The following BTBD16 variants were observed in gnomAD, a reference collection of about 807,000 sequenced individuals.
BTBD16 encodes BTB domain containing 16.
A neutral mutation model predicts 67.4 loss-of-function variants in BTBD16; 66 were observed. The ratio of observed to expected loss-of-function variants is 0.98; its 90% CI spans 0.80 to 1.20. The LOEUF (loss-of-function observed/expected upper bound fraction) is 1.20, where lower values mean the gene tolerates loss of function less well. Among genes scored for constraint, BTBD16 ranks in the 50% most tolerant of loss-of-function variants. BTBD16 has a pLI of 0.00. For synonymous variants in BTBD16, 242 were observed against 236.4 expected (o/e 1.02, Z -0.22); for missense variants, 634 against 616.0 (o/e 1.03, Z -0.31).
intron 7 of BTBD16, among the ~76,000 whole-genome samples, chr10:122,296,269 TG>T (rs2096382954): frequency 1.3e-5 from 2 of 152,270 alleles, no homozygotes; most frequent in African/African-American, 2.4e-5. Context: ...AATCTTATAA[TG>T]TTTTTTTCTT....
At chr10:122,287,224 A>G (rs2096365604) in intron 5 of BTBD16, among the ~76,000 whole-genome samples, 1 of 152,190 alleles carries the variant, frequency 6.6e-6, no homozygotes, top group Admixed American at 6.5e-5. Context: ...CCTTTGTCCC[A>G]GTGTCTTCAA....
intron 3 of BTBD16, among the ~76,000 whole-genome samples, chr10:122,277,281 C>T (rs1483884839): frequency 1.3e-5 from 2 of 151,620 alleles, no homozygotes; most frequent in Non-Finnish European, 2.9e-5. Context: ...AGTCCTGGCT[C>T]AGTGTTTAGA....
chr10:122,286,871 T>TA (rs1210522829), intron 5 of BTBD16, among the ~76,000 whole-genome samples: 5 of 152,174 alleles, frequency 3.3e-5, no homozygotes, highest in Non-Finnish European at 7.3e-5. Flanking sequence ...CCATCTGCAC[T>TA]GCCAGCTGCT....
At chr10:122,318,061 C>A (rs1178273529) in intron 10 of BTBD16, among the ~76,000 whole-genome samples, 2 of 152,124 alleles carry the variant, frequency 1.3e-5, no homozygotes, top group South Asian at 4.2e-4. Flanking sequence ...ACCAACCACA[C>A]CACAAACACA....
Position 122,307,224 on chromosome 10 carries a change from CA to C in BTBD16, c.829del (p.Met277CysfsTer9). On this transcript the variant is annotated frameshift_variant, in exon 10 of 16. Transcript: ENST00000260723. LOFTEE classifies it high-confidence loss of function. ...FTFSEFHLLK[T>X]MLLWVFLQLN... ...TTTAGTGAATTCCATCTTCTGAAAA[CA>C]ATGCTTTTGTGGGTCTTCTTGCAAC... 1 of 1,610,042 alleles carries C rather than the reference CA, an allele frequency of 6.2e-7. No homozygotes were observed. Among genetic ancestry groups the C allele is most frequent in the Non-Finnish European group, 8.5e-7 (1 of 1,178,936 alleles).
chr10:122,316,915 G>A (rs1316367095), intron 10 of BTBD16, among the ~76,000 whole-genome samples: 1 of 152,124 alleles, frequency 6.6e-6, no homozygotes, highest in East Asian at 1.9e-4. Context: ...AGCCTCCTGA[G>A]TAGCTGGGAT....
intron 10 of BTBD16, among the ~76,000 whole-genome samples, chr10:122,312,476 CTAA>C (rs1347865873): frequency 6.6e-6 from 1 of 151,904 alleles, no homozygotes; most frequent in African/African-American, 2.4e-5. Context: ...CCACACCCAG[CTAA>C]TTTTTGTATT....
chr10:122,321,707 T>C (rs2096435698), intron 10 of BTBD16, among the ~76,000 whole-genome samples: 1 of 151,622 alleles, frequency 6.6e-6, no homozygotes, highest in African/African-American at 2.4e-5. Context: ...ATGGAGTTGT[T>C]TTTTGCTTGT....
At chr10:122,297,970 C>T in intron 8 of BTBD16, 133 bp downstream of exon 8, 1 of 757,992 alleles carries the variant, frequency 1.3e-6, no homozygotes, top group East Asian at 2.7e-5. Context: ...TTTTATTTTG[C>T]CACATGAACA....
At chr10:122,328,823 T>A (rs1416020917) in intron 10 of BTBD16, 11 of 985,290 alleles carry the variant, frequency 1.1e-5, no homozygotes, top group Non-Finnish European at 1.1e-5. Flanking sequence ...GAACTGGATC[T>A]TCTCAACCCA....
chr10:122,315,712 T>C (rs1480662125), intron 10 of BTBD16, among the ~76,000 whole-genome samples: 1 of 152,202 alleles, frequency 6.6e-6, no homozygotes, highest in Non-Finnish European at 1.5e-5. Flanking sequence ...ATGGGTCTTT[T>C]TGTGTCAATT....
intron 10 of BTBD16, among the ~76,000 whole-genome samples, chr10:122,317,308 T>C (rs562273745): frequency 6.6e-6 from 1 of 152,332 alleles, no homozygotes; most frequent in South Asian, 2.1e-4. Flanking sequence ...ATCCTGTTTC[T>C]AAAAAGTTTA....
chr10:122,276,935 G>A lies in BTBD16; in HGVS notation c.163G>A (p.Asp55Asn), dbSNP rs766919262. The A allele has an allele frequency of 1.9e-6, 3 of 1,613,932 alleles. No homozygotes were observed. The highest frequency in any genetic ancestry group is 2.5e-6 in the Non-Finnish European group (3 of 1,179,926). ...CTTTGAGGAAGCTTTGAGGAACCCA[G>A]ACAGGTATGGAGACTCAAAGGTTTG... Reference protein sequence around the residue: ...IDFEEALRNPDRLCISQIQKF... With the variant: ...IDFEEALRNPNRLCISQIQKF... Residue 55 changes from aspartate to asparagine, a missense_variant, in exon 3 of 16, where the codon GAC (aspartate) becomes AAC (asparagine). By Grantham distance (23) the Asp-to-Asn change is conservative (BLOSUM62 1). Coordinates refer to ENST00000260723, the MANE Select transcript of BTBD16 (RefSeq NM_144587.5).
chr10:122,332,708 G>T, intron 13 of BTBD16, 195 bp downstream of exon 13: 2 of 702,588 alleles, frequency 2.8e-6, no homozygotes, highest in Non-Finnish European at 3.5e-6. Flanking sequence ...GGCCTGGGGC[G>T]GGCCATTTAA....
intron 12 of BTBD16, 24 bp downstream of exon 12, chr10:122,331,282 C>T (rs1182596465): frequency 1.2e-6 from 2 of 1,606,174 alleles, no homozygotes; most frequent in Non-Finnish European, 1.7e-6. Context: ...TCTGCAAGGA[C>T]ACAGTTGTCG....
chr10:122,294,134 G>T (rs2096378910), intron 7 of BTBD16: 1 of 985,332 alleles, frequency 1.0e-6, no homozygotes, highest in Non-Finnish European at 1.2e-6. Context: ...TTCTAGGTCA[G>T]AGGCCAGGGC....
rs753084628 is a variant in BTBD16 at position 122,336,587 on chromosome 10, A to G, written c.1357A>G (p.Arg453Gly). Residue 453 changes from arginine to glycine, a missense_variant, in exon 15 of 16, where the codon AGA becomes GGA. Physicochemically the swap from Arg to Gly is moderately radical, Grantham distance 125 (BLOSUM62 -2). Transcript: ENST00000260723. ...RAARLVKYEI[R>G]AEALVDGKWQ... ...GGCACGCCTGGTGAAGTATGAGATCAGAGCAGAGGCCCTGGTTGACGGCAA... is the reference window on the plus strand; with the variant it reads ...GGCACGCCTGGTGAAGTATGAGATCGGAGCAGAGGCCCTGGTTGACGGCAA... 2 of 1,613,284 alleles carry G rather than the reference A, an allele frequency of 1.2e-6. No homozygotes were observed. The highest frequency in any genetic ancestry group is 1.7e-6 in the Non-Finnish European group (2 of 1,179,780).
chr10:122,280,716 G>A (rs1484250559), intron 3 of BTBD16, among the ~76,000 whole-genome samples: 1 of 152,090 alleles, frequency 6.6e-6, no homozygotes, highest in African/African-American at 2.4e-5. Context: ...CTCTAAAAGA[G>A]GCTGATGTTT....
chr10:122,310,896 T>G (rs1247784541), intron 10 of BTBD16, among the ~76,000 whole-genome samples: 1 of 152,124 alleles, frequency 6.6e-6, no homozygotes, highest in Non-Finnish European at 1.5e-5. Flanking sequence ...GAGCAGCAAC[T>G]GCGGGCATGG....
Sources: gnomAD v4.1 joint callset for allele counts (sites outside exome capture counted in the v4.1 genomes callset) on GRCh38, gnomAD v4.1.1 for gene constraint, MANE v1.5 for transcripts, NCBI Gene and HGNC (gene_info 2026-07-23, HGNC 2026-07-21) for gene names.